The following CSMD1 variants were observed in gnomAD, a reference collection of about 807,000 sequenced individuals.
CSMD1 encodes the protein CUB and sushi domain-containing protein 1.
Under a neutral mutation model 417.5 loss-of-function variants are expected in CSMD1, and 213 were observed. The ratio of observed to expected loss-of-function variants is 0.51; its 90% CI spans 0.46 to 0.57. The LOEUF is 0.57. CSMD1 is among the 20% of genes least tolerant of loss of function. CSMD1 has a pLI of 0.00. For missense variants in CSMD1, 6,923 were observed against 4,529.7 expected (o/e 1.53, Z -15.17); for synonymous variants, 2,862 against 1,736.8 (o/e 1.65, Z -16.11).
intron 6 of CSMD1, among the ~76,000 whole-genome samples, chr8:3,709,404 T>A (rs1801366959): frequency 6.6e-6 from 1 of 152,102 alleles, no homozygotes. Flanking sequence ...CCTGTGACTC[T>A]ATGTGTAAAT....
At chr8:3,537,961 G>C (rs995583119) in intron 10 of CSMD1, among the ~76,000 whole-genome samples, 8 of 152,056 alleles carry the variant, frequency 5.3e-5, no homozygotes, top group African/African-American at 1.7e-4. Flanking sequence ...ATTCACTCAG[G>C]GTATCGTTTA....
chr8:4,540,173 G>A (rs1034048807), intron 2 of CSMD1, among the ~76,000 whole-genome samples: 4 of 152,170 alleles, frequency 2.6e-5, no homozygotes, highest in Non-Finnish European at 5.9e-5. Context: ...ACTCAAGTTA[G>A]GAATGAAGTT....
chr8:3,961,783 G>C (rs1018316723), intron 5 of CSMD1, among the ~76,000 whole-genome samples: 10 of 152,148 alleles, frequency 6.6e-5, no homozygotes, highest in African/African-American at 2.2e-4. Context: ...TTTGATAATG[G>C]TGCACTGGGT....
At chr8:3,039,349 T>C (rs559727228) in intron 50 of CSMD1, among the ~76,000 whole-genome samples, 280 of 148,176 alleles carry the variant, frequency 1.9e-3, no homozygotes, top group African/African-American at 6.7e-3. Flanking sequence ...CTTTCCGCCT[T>C]CCTTCCTTCC....
chr8:4,043,834 C>T (rs1244393747), intron 3 of CSMD1, among the ~76,000 whole-genome samples: 2 of 152,036 alleles, frequency 1.3e-5, no homozygotes, highest in Non-Finnish European at 2.9e-5. Context: ...ATCATTATTC[C>T]AATTTCACAT....
chr8:3,881,668 G>A (rs2627372), intron 5 of CSMD1, among the ~76,000 whole-genome samples: 1 of 145,756 alleles, frequency 6.9e-6, no homozygotes. Flanking sequence ...AACAACAAAA[G>A]AAAACAAAAA....
chr8:4,763,691 G>C (rs990337721), intron 1 of CSMD1, among the ~76,000 whole-genome samples: 2 of 152,098 alleles, frequency 1.3e-5, no homozygotes, highest in Non-Finnish European at 2.9e-5. Flanking sequence ...AGCAAGTTTT[G>C]ATTGAAGTAT....
At chr8:3,026,720 C>T (rs574406095) in intron 51 of CSMD1, among the ~76,000 whole-genome samples, 2 of 152,192 alleles carry the variant, frequency 1.3e-5, no homozygotes, top group East Asian at 1.9e-4. Context: ...GAAGCTGGGC[C>T]GTAGCGAATC....
At chr8:4,244,237 G>A (rs1225427968) in intron 3 of CSMD1, among the ~76,000 whole-genome samples, 2 of 152,140 alleles carry the variant, frequency 1.3e-5, no homozygotes, top group African/African-American at 2.4e-5. Context: ...AGCTAGGCTT[G>A]AAACGTTCCA....
At chr8:3,251,026 T>A (rs1178731637) in intron 26 of CSMD1, among the ~76,000 whole-genome samples, 1 of 152,230 alleles carries the variant, frequency 6.6e-6, no homozygotes, top group African/African-American at 2.4e-5. Flanking sequence ...CTGTTCACTC[T>A]GATGGTAGTT....
intron 31 of CSMD1, among the ~76,000 whole-genome samples, chr8:3,203,539 C>T (rs536882066): frequency 6.6e-6 from 1 of 152,160 alleles, no homozygotes; most frequent in Admixed American, 6.6e-5. Context: ...ATTATATCAG[C>T]GAACGGAATA....
At chr8:3,927,275 T>A (rs999860456) in intron 5 of CSMD1, among the ~76,000 whole-genome samples, 1 of 152,030 alleles carries the variant, frequency 6.6e-6, no homozygotes, top group African/African-American at 2.4e-5. Context: ...AGACATAAGC[T>A]AATAATTATT....
chr8:4,219,927 C>T (rs1800925947), intron 3 of CSMD1, among the ~76,000 whole-genome samples: 1 of 152,126 alleles, frequency 6.6e-6, no homozygotes, highest in East Asian at 1.9e-4. Flanking sequence ...GAGAGAATCA[C>T]TCAAGATAAT....
intron 39 of CSMD1, among the ~76,000 whole-genome samples, chr8:3,156,001 G>T (rs1229457876): frequency 6.6e-6 from 1 of 152,162 alleles, no homozygotes; most frequent in Non-Finnish European, 1.5e-5. Context: ...TGAGATGTGG[G>T]GAAATTAGGC....
At chr8:4,287,639 C>T (rs929674049) in intron 3 of CSMD1, among the ~76,000 whole-genome samples, 7 of 145,788 alleles carry the variant, frequency 4.8e-5, no homozygotes, top group African/African-American at 1.7e-4. Context: ...ATGCTGGCTG[C>T]AGTCTCGTCA....
intron 1 of CSMD1, among the ~76,000 whole-genome samples, chr8:4,961,083 A>G (rs1016679778): frequency 4.4e-4 from 67 of 152,116 alleles, no homozygotes; most frequent in African/African-American, 1.6e-3. Context: ...AAAATTAACA[A>G]CGGGTGTTTA....
intron 2 of CSMD1, among the ~76,000 whole-genome samples, chr8:4,529,056 G>C (rs144276493): frequency 2.0e-5 from 3 of 152,070 alleles, no homozygotes; most frequent in Non-Finnish European, 4.4e-5. Context: ...TTTAAAAAAT[G>C]ATGATCTGAA....
At chr8:3,556,805 C>G (rs886469896) in intron 10 of CSMD1, among the ~76,000 whole-genome samples, 1 of 152,160 alleles carries the variant, frequency 6.6e-6, no homozygotes, top group African/African-American at 2.4e-5. Flanking sequence ...AAAGAGGCGA[C>G]CTTGGTGGAT....
chr8:4,062,043 G>A (rs1412626082), intron 3 of CSMD1, among the ~76,000 whole-genome samples: 1 of 152,154 alleles, frequency 6.6e-6, no homozygotes, highest in East Asian at 1.9e-4. Flanking sequence ...TGGTGAAAAT[G>A]CAGAGTGCCA....
Sources: allele counts gnomAD v4.1 joint callset (sites outside exome capture counted in the v4.1 genomes callset), GRCh38; gene constraint gnomAD v4.1.1; transcripts MANE v1.5; gene names NCBI Gene and HGNC (gene_info 2026-07-23, HGNC 2026-07-21).